MEIOC: variants seen among roughly 807,000 people sequenced by gnomAD.
MEIOC encodes meiosis specific with coiled-coil domain, also known as meiosis-specific coiled-coil domain-containing protein MEIOC.
MEIOC carries 9 observed loss-of-function variants against 85.3 expected under a neutral mutation model. The observed-to-expected ratio is 0.11, with a 90% CI of 0.06 to 0.18. The LOEUF (loss-of-function observed/expected upper bound fraction) is 0.18, where lower values mean the gene tolerates loss of function less well. Among genes scored for constraint, MEIOC ranks in the 10% least tolerant of loss-of-function variants. The pLI is 1.00. For missense variants in MEIOC, 898 were observed against 1,129.4 expected (o/e 0.80, Z 2.94); for synonymous variants, 365 against 393.7 (o/e 0.93, Z 0.86).
At chr17:44,668,856 A>G (rs1568135118) in intron 5 of MEIOC, among the ~76,000 whole-genome samples, 1 of 152,146 alleles carries the variant, frequency 6.6e-6, no homozygotes, top group Non-Finnish European at 1.5e-5. Flanking sequence ...TTACAAGTTT[A>G]TTTCTTTGAA....
intron 6 of MEIOC, chr17:44,669,719 G>A (rs910022668): frequency 2.0e-6 from 1 of 503,410 alleles, no homozygotes; most frequent in African/African-American, 1.9e-5. Context: ...AATTAGCTGG[G>A]GGTGGTGGCA....
At chr17:44,658,970 T>C (rs1054613619) in intron 2 of MEIOC, among the ~76,000 whole-genome samples, 1 of 152,112 alleles carries the variant, frequency 6.6e-6, no homozygotes, top group Non-Finnish European at 1.5e-5. Flanking sequence ...TACAAACATA[T>C]TTTTGATAAT....
Position 44,667,872 on chromosome 17 carries a change from A to G in MEIOC, c.1961A>G (p.Asn654Ser). Residue 654 changes from asparagine to serine, a missense_variant, in exon 5 of 8, where the codon AAT becomes AGT. Physicochemically the swap from Asn to Ser is conservative, Grantham distance 46. Coordinates refer to ENST00000409122, the MANE Select transcript of MEIOC (RefSeq NM_001145080.3). Reference sequence around the variant, plus strand: ...AGCCACAGAACGAGAGGTGGAGACAATAGCCGTGTGAATCGCACACAAGTG... The same window carrying G: ...AGCCACAGAACGAGAGGTGGAGACAGTAGCCGTGTGAATCGCACACAAGTG... Reference protein sequence around the residue: ...SNSHRTRGGDNSRVNRTQVSC... With the variant: ...SNSHRTRGGDSSRVNRTQVSC... 2 of 1,614,018 alleles carry G rather than the reference A, an allele frequency of 1.2e-6. No individual in the cohort carries two copies. The highest frequency in any genetic ancestry group is 1.7e-6 in the Non-Finnish European group (2 of 1,179,890).
intron 2 of MEIOC, 114 bp downstream of exon 2, chr17:44,657,375 A>G: frequency 2.2e-6 from 2 of 912,984 alleles, no homozygotes; most frequent in Non-Finnish European, 3.1e-6. Flanking sequence ...AAACCAGGGA[A>G]AACTTTTTTT....
rs1972059906 is a variant in MEIOC at position 44,675,231 on chromosome 17, T to G, written c.*1035T>G. ...AGCTTGCAATTGGTTAGCCTATATT[T>G]TGCGTAGTTGTGTTCATTAGTTTGC... On this transcript the variant is annotated 3_prime_UTR_variant, in exon 8 of 8. Transcript: ENST00000409122. 3 of 985,144 alleles carry G rather than the reference T, an allele frequency of 3.0e-6. No homozygotes were observed. Among genetic ancestry groups the G allele is most frequent in the African/African-American group, 3.5e-5 (2 of 57,256 alleles). The allele number at this position is 985,144 out of a possible 1,614,324, so 61.0% of individuals were successfully genotyped here.
rs1174357101 is a variant in MEIOC at position 44,675,492 on chromosome 17, A to C, written c.*1296A>C. On this transcript the variant is annotated 3_prime_UTR_variant, in exon 8 of 8. Transcript: ENST00000409122. ...TGTTTTAAATGTTAGTGTTTTTCTT[A>C]GTTTTAGAAATTCTGGTATTAAAAA... 1.0e-6 allele frequency: 1 copy of C among 967,442 alleles called. No homozygotes were observed. Among genetic ancestry groups the C allele is most frequent in the Non-Finnish European group, 1.2e-6 (1 of 813,868 alleles). The allele number at this position is 967,442 out of a possible 1,614,324, so 59.9% of individuals were successfully genotyped here. A position where few individuals can be genotyped will look rare whatever the true frequency, so the allele number is the denominator to read the frequency against.
In MEIOC at chr17:44,675,494, T is replaced by C; in HGVS notation, c.*1298T>C. The C allele has an allele frequency of 8.2e-6, 8 of 970,568 alleles. No individual in the cohort carries two copies. Among genetic ancestry groups the C allele is most frequent in the Non-Finnish European group, 8.6e-6 (7 of 816,494 alleles). The allele number at this position is 970,568 out of a possible 1,614,324, so 60.1% of individuals were successfully genotyped here. On this transcript the variant is annotated 3_prime_UTR_variant, in exon 8 of 8. Transcript: ENST00000409122. ...TTTTAAATGTTAGTGTTTTTCTTAG[T>C]TTTAGAAATTCTGGTATTAAAAAAA...
Position 44,666,729 on chromosome 17 carries a change from A to C in MEIOC, c.818A>C (p.Gln273Pro). ...CTTATCAAAAACTGTTTTACACCCCAAACTGGTCTGTCTGATATCATGAAA... is the reference window on the plus strand; with the variant it reads ...CTTATCAAAAACTGTTTTACACCCCCAACTGGTCTGTCTGATATCATGAAA... ...YPLIKNCFTP[Q>P]TGLSDIMKES... The change falls in exon 5 of 8, where the codon CAA (glutamine) becomes CCA (proline). Residue 273 changes from glutamine (Q) to proline (P), a missense_variant. Gln to Pro is a moderately conservative substitution (Grantham distance 76). Coordinates refer to ENST00000409122, the MANE Select transcript of MEIOC (RefSeq NM_001145080.3). The C allele has an allele frequency of 6.2e-7, 1 of 1,613,514 alleles. No homozygotes were observed. The highest frequency in any genetic ancestry group is 8.5e-7 in the Non-Finnish European group (1 of 1,179,718).
intron 2 of MEIOC, among the ~76,000 whole-genome samples, chr17:44,657,530 G>A (rs1971781309): frequency 6.6e-6 from 1 of 151,524 alleles, no homozygotes; most frequent in African/African-American, 2.4e-5. Flanking sequence ...CACCACGCCC[G>A]GCTGTTTTTT....
chr17:44,662,236 A>G (rs1461689994), intron 2 of MEIOC, 81 bp from the exon 3 acceptor site: 1 of 1,087,118 alleles, frequency 9.2e-7, no homozygotes, highest in African/African-American at 1.6e-5. Flanking sequence ...CATCTGTGTT[A>G]TTTCCGCTTT....
chr17:44,674,169 C>T lies in MEIOC; in HGVS notation c.2832C>T (p.Asn944=). 1.3e-6 allele frequency: 2 copies of T among 1,551,196 alleles called. No homozygotes were observed. Among genetic ancestry groups the T allele is most frequent in the Non-Finnish European group, 1.7e-6 (2 of 1,146,764 alleles). Residue 944 remains asparagine, a synonymous_variant, in exon 8 of 8, where the codon AAC becomes AAT. Coordinates refer to ENST00000409122, the MANE Select transcript of MEIOC (RefSeq NM_001145080.3). ...HESINSSNPM[N]QRGETNKH is the part of the protein sequence containing the mutation. ...GCATAAATAGTAGCAATCCAATGAACCAGAGAGGTGAAACAAACAAACATT... is the reference window on the plus strand; with the variant it reads ...GCATAAATAGTAGCAATCCAATGAATCAGAGAGGTGAAACAAACAAACATT...
Position 44,666,568 on chromosome 17 carries a change from A to G in MEIOC, c.657A>G (p.Lys219=), listed in dbSNP as rs768290269. The G allele has an allele frequency of 3.4e-5, 55 of 1,610,532 alleles. No homozygotes were observed. The highest frequency in any genetic ancestry group is 4.4e-5 in the Non-Finnish European group (52 of 1,178,244). The change falls in exon 5 of 8, where the codon AAA becomes AAG. Residue 219 remains lysine (K), a synonymous_variant. Transcript: ENST00000409122. ...ACAGTAATCTCACACCACAACAAAAAATAGATGAACTTCATCATGGATTTA... is the reference window on the plus strand; with the variant it reads ...ACAGTAATCTCACACCACAACAAAAGATAGATGAACTTCATCATGGATTTA... ...LRNSNLTPQQ[K]IDELHHGFTG...
chr17:44,657,380 T>A (rs1971778332), intron 2 of MEIOC, 119 bp downstream of exon 2: 365 of 49,754 alleles, frequency 7.3e-3, no homozygotes, highest in Non-Finnish European at 9.4e-3. Context: ...AGGGAAAACT[T>A]TTTTTTTTTT....
At chr17:44,657,766 T>C (rs1971785458) in intron 2 of MEIOC, among the ~76,000 whole-genome samples, 1 of 152,112 alleles carries the variant, frequency 6.6e-6, no homozygotes, top group African/African-American at 2.4e-5. Flanking sequence ...TTGGTCAGGC[T>C]GGTCTCGAAC....
chr17:44,659,217 G>A (rs188256361), intron 2 of MEIOC, among the ~76,000 whole-genome samples: 11 of 152,216 alleles, frequency 7.2e-5, no homozygotes, highest in Non-Finnish European at 1.5e-5. Flanking sequence ...TCCACACTAA[G>A]AATCTTGTAT....
At chr17:44,656,995 C>G (rs1013886175) in intron 1 of MEIOC, 132 bp from the exon 2 acceptor site, 26 of 1,080,792 alleles carry the variant, frequency 2.4e-5, no homozygotes, top group Non-Finnish European at 3.2e-5. Flanking sequence ...AGCGCGGGCC[C>G]CCACATTCGT....
chr17:44,673,304 T>C, intron 6 of MEIOC, 62 bp from the exon 7 acceptor site: 2 of 1,245,896 alleles, frequency 1.6e-6, no homozygotes, highest in Middle Eastern at 1.9e-4. Flanking sequence ...TCACTGAAGA[T>C]TTGTTTTTAC....
At chr17:44,665,526 AAACT>A in intron 4 of MEIOC, 38 bp downstream of exon 4, 1 of 1,046,164 alleles carries the variant, frequency 9.6e-7, no homozygotes, top group Non-Finnish European at 1.3e-6. Flanking sequence ...ACAGGCTTTT[AAACT>A]AACATACACT....
chr17:44,657,622 C>T (rs953366738), intron 2 of MEIOC, among the ~76,000 whole-genome samples: 7 of 151,932 alleles, frequency 4.6e-5, no homozygotes, highest in Middle Eastern at 3.4e-3. Context: ...GGTGCGATCT[C>T]GGCTCACCTC....
Sources: allele counts gnomAD v4.1 joint callset (sites outside exome capture counted in the v4.1 genomes callset), GRCh38; gene constraint gnomAD v4.1.1; transcripts MANE v1.5; gene names NCBI Gene and HGNC (gene_info 2026-07-23, HGNC 2026-07-21).